Variants in AHNAK2 observed in about 807,000 individuals in gnomAD.
AHNAK2 encodes the protein AHNAK nucleoprotein 2.
AHNAK2 carries 18 observed loss-of-function variants against 30.7 expected under a neutral mutation model. That is an observed-to-expected ratio of 0.59 (90% CI 0.41 to 0.87). The LOEUF (loss-of-function observed/expected upper bound fraction) is 0.87, where lower values mean the gene tolerates loss of function less well. AHNAK2 is among the 40% of genes least tolerant of loss of function. The pLI is 0.00. For missense variants in AHNAK2, 8,604 were observed against 7,373.0 expected (o/e 1.17, Z -6.11); for synonymous variants, 3,590 against 3,073.8 (o/e 1.17, Z -5.56).
Position 104,950,606 on chromosome 14 carries a change from G to C in AHNAK2, c.4845C>G (p.Pro1615=), listed in dbSNP as rs188487684. 25 of 1,586,030 alleles carry C rather than the reference G, an allele frequency of 1.6e-5. 1 individual carries two copies. The highest frequency in any genetic ancestry group is 3.3e-5 in the South Asian group (3 of 89,592). The stretch of plus-strand genomic sequence containing the variant: ...TGCTGGACAGAGACATCTTCACATC[G>C]GGGGCTGTCACTTCCACCTTGGGGC... The part of the protein sequence containing the change: ...LKGPKVEVTA[P]DVKMSLSSME... Residue 1615 remains proline (P), a synonymous_variant, in exon 7 of 7, where the codon CCC becomes CCG. Coordinates refer to ENST00000333244, the MANE Select transcript of AHNAK2 (RefSeq NM_138420.4).
In AHNAK2 at chr14:104,954,657, T is replaced by C; in HGVS notation, c.794A>G (p.Gln265Arg). ...QRERLSWPKFQSIKSKRGPGP... is the reference protein window; with the variant it reads ...QRERLSWPKFRSIKSKRGPGP... ...CGGCCCCCGCTTGCTCTTTATGGAT[T>C]GAAATTTTGGCCAAGAGAGCCTCTC... is the stretch of plus-strand genomic sequence containing the variant. Residue 265 changes from glutamine to arginine, a missense_variant, in exon 7 of 7, where the codon CAA (glutamine) becomes CGA (arginine). Coordinates refer to ENST00000333244, the MANE Select transcript of AHNAK2 (RefSeq NM_138420.4). This position sits in a 1 kb window ranked among gnomAD's most constrained non-coding sequence, Gnocchi z 4.3. 1 of 1,612,886 alleles carries C rather than the reference T, an allele frequency of 6.2e-7. No individual in the cohort carries two copies. Among genetic ancestry groups the C allele is most frequent in the African/African-American group, 1.3e-5 (1 of 75,012 alleles).
chr14:104,963,473 G>A (rs1374561975), intron 1 of AHNAK2, among the ~76,000 whole-genome samples: 1 of 152,174 alleles, frequency 6.6e-6, no homozygotes, highest in Non-Finnish European at 1.5e-5. Context: ...AATTACTTTT[G>A]GAGTAGGGGA....
In AHNAK2 at chr14:104,954,883, T is replaced by C; in HGVS notation, c.651+74A>G. On this transcript the variant is annotated intron_variant, in intron 6 of 6. Coordinates refer to ENST00000333244, the MANE Select transcript of AHNAK2 (RefSeq NM_138420.4). This position sits in a 1 kb window ranked among gnomAD's most constrained non-coding sequence, Gnocchi z 4.3. ...CCAGGGACAGATGGAGTGGGAGTGC[T>C]ATCCCCTCCCAGGCTCAGCCAGCAG... 3 of 1,549,780 alleles carry C rather than the reference T, an allele frequency of 1.9e-6. No homozygotes were observed. The highest frequency in any genetic ancestry group is 2.6e-6 in the Non-Finnish European group (3 of 1,149,026).
At position 104,940,642 on chromosome 14, in the gene AHNAK2, C is replaced by T; in HGVS notation, c.14809G>A (p.Gly4937Arg). The T allele has an allele frequency of 6.2e-7, 1 of 1,613,572 alleles. No individual in the cohort carries two copies. Among genetic ancestry groups the T allele is most frequent in the Non-Finnish European group, 8.5e-7 (1 of 1,179,872 alleles). Residue 4937 changes from glycine (G) to arginine (R), a missense_variant, in exon 7 of 7, where the codon GGA becomes AGA. Coordinates refer to ENST00000333244, the MANE Select transcript of AHNAK2 (RefSeq NM_138420.4). This position sits in a 1 kb window ranked among gnomAD's most constrained non-coding sequence, Gnocchi z 4.4. ...ASLQTSVVAP[G>R]EAPSEDADHE... ...TCAGCATCTTCAGAAGGGGCTTCTC[C>T]AGGGGCCACTACTGATGTCTGCAAG... is the stretch of plus-strand genomic sequence containing the variant.
In AHNAK2 at chr14:104,949,934, G is replaced by T; in HGVS notation, c.5517C>A (p.Gly1839=). The change falls in exon 7 of 7, where the codon GGC becomes GGA. Residue 1839 remains glycine, a synonymous_variant. Coordinates refer to ENST00000333244, the MANE Select transcript of AHNAK2 (RefSeq NM_138420.4). ...CATCCACCGAGGCCTCGATGGACTT[G>T]CCTGGGGCAGACACCCCGAACGACG... ...KMPSFGVSAP[G]KSIEASVDVS... 6.3e-7 allele frequency: 1 copy of T among 1,586,800 alleles called. No homozygotes were observed. The highest frequency in any genetic ancestry group is 8.6e-7 in the Non-Finnish European group (1 of 1,163,170).
chr14:104,953,870 C>G lies in AHNAK2; in HGVS notation c.1581G>C (p.Leu527=). Residue 527 remains leucine, a synonymous_variant, in exon 7 of 7, where the codon CTG becomes CTC. Coordinates refer to ENST00000333244, the MANE Select transcript of AHNAK2 (RefSeq NM_138420.4). The part of the protein sequence containing the change: ...QDASSKAGTG[L]KGEEVEGAGW... ...CGGCTCCTTCCACCTCCTCACCCTT[C>G]AGGCCAGTACCCGCTTTTGAGGACG... 1.2e-6 allele frequency: 2 copies of G among 1,614,010 alleles called. No individual in the cohort carries two copies. The highest frequency in any genetic ancestry group is 1.7e-6 in the Non-Finnish European group (2 of 1,179,896).
In AHNAK2 at chr14:104,945,346, C is replaced by T. The variant is rs1414144258; in HGVS notation, c.10105G>A (p.Ala3369Thr). The change falls in exon 7 of 7, where the codon GCT becomes ACT. Residue 3369 changes from alanine to threonine, a missense_variant. Ala to Thr is a moderately conservative substitution (Grantham distance 58, BLOSUM62 0). Transcript: ENST00000333244. ...QLPSVDLEVQ[A>T]GQVDVKLPEG... ...GGGAGCTTCACGTCCACCTGGCCAG[C>T]CTGGACCTCCAGGTCCACAGAAGGG... The T allele has an allele frequency of 1.2e-6, 2 of 1,612,714 alleles. No homozygotes were observed.
chr14:104,955,311 T>C, intron 5 of AHNAK2, 170 bp from the exon 6 acceptor site: 2 of 1,273,892 alleles, frequency 1.6e-6, no homozygotes, highest in Non-Finnish European at 2.1e-6. Flanking sequence ...GTGGATGGGG[T>C]CCCCCATTTT....
In AHNAK2 at chr14:104,945,222, T is replaced by C; in HGVS notation, c.10229A>G (p.Gln3410Arg). The C allele has an allele frequency of 1.2e-6, 2 of 1,613,042 alleles. No homozygotes were observed. The highest frequency in any genetic ancestry group is 1.7e-6 in the Non-Finnish European group (2 of 1,179,598). ...CAGCTTGGGGCCCTTGATGTCCACC[T>C]GGGGGCTCTTGAGGTCCACTTTGGG... ...KMPKVDLKSP[Q>R]VDIKGPKLDL... Residue 3410 changes from glutamine to arginine, a missense_variant, in exon 7 of 7, where the codon CAG becomes CGG. Gln to Arg is a conservative substitution (Grantham distance 43, BLOSUM62 1). Coordinates refer to ENST00000333244, the MANE Select transcript of AHNAK2 (RefSeq NM_138420.4).
intron 3 of AHNAK2, among the ~76,000 whole-genome samples, chr14:104,957,041 TC>T (rs1407778813): frequency 3.9e-5 from 6 of 152,168 alleles, no homozygotes; most frequent in Non-Finnish European, 8.8e-5. Context: ...TCTGATCCCT[TC>T]CCCGAGTCCT....
Position 104,953,327 on chromosome 14 carries a change from G to A in AHNAK2, c.2124C>T (p.Asp708=), listed in dbSNP as rs371990514. 1.6e-4 allele frequency: 264 copies of A among 1,612,896 alleles called. No individual in the cohort carries two copies. The highest frequency in any genetic ancestry group is 3.3e-4 in the Middle Eastern group (2 of 6,080). ...VDVSAPKVEA[D]VSLLSMQGDL... Reference sequence around the variant, plus strand: ...CCCCCTGCATGGAGAGGAGGCTCACGTCGGCCTCCACCTTCGGCGCAGACA... The same window carrying A: ...CCCCCTGCATGGAGAGGAGGCTCACATCGGCCTCCACCTTCGGCGCAGACA... Residue 708 remains aspartate (D), a synonymous_variant, in exon 7 of 7, where the codon GAC becomes GAT. Transcript: ENST00000333244.
chr14:104,957,013 T>C (rs1215289923), intron 3 of AHNAK2, among the ~76,000 whole-genome samples: 5 of 152,376 alleles, frequency 3.3e-5, no homozygotes, highest in Middle Eastern at 3.4e-3. Context: ...AAATGAATCC[T>C]TTCATAGACA....
At chr14:104,972,209 C>A (rs915408140) in intron 1 of AHNAK2, among the ~76,000 whole-genome samples, 1 of 152,236 alleles carries the variant, frequency 6.6e-6, no homozygotes, top group African/African-American at 2.4e-5. Context: ...GGGCCTCCCC[C>A]CATTGCAATA....
At chr14:104,957,735 G>C (rs937252748) in intron 1 of AHNAK2, 63 bp from the exon 2 acceptor site, 2 of 1,514,864 alleles carry the variant, frequency 1.3e-6, no homozygotes, top group Non-Finnish European at 1.8e-6. Flanking sequence ...GGGCCCGGGG[G>C]AGGGAGCCAG....
At position 104,955,088 on chromosome 14, in the gene AHNAK2, C is replaced by T; in HGVS notation, c.520G>A (p.Ala174Thr). ...VFFENIKYED[A>T]LKILQYSEPY... is the part of the protein sequence containing the mutation. ...TCTGAATATTGAAGGATTTTGAGAG[C>T]ATCTTCATATTTTATGTTTTCAAAG... Residue 174 changes from alanine to threonine, a missense_variant, in exon 6 of 7, where the codon GCT (alanine) becomes ACT (threonine). Transcript: ENST00000333244. The T allele has an allele frequency of 6.2e-7, 1 of 1,613,414 alleles. No homozygotes were observed. The highest frequency in any genetic ancestry group is 8.5e-7 in the Non-Finnish European group (1 of 1,179,848).
chr14:104,939,634 G>T lies in AHNAK2; in HGVS notation c.15817C>A (p.Leu5273Ile), dbSNP rs946478634. ...KSSTDILRCD[L>I]DSTGLKLHLS... ...TGCAGCTTCAAGCCTGTGCTGTCAA[G>T]ATCACACCTTAGAATATCTGTGGAT... The change falls in exon 7 of 7, where the codon CTT (leucine) becomes ATT (isoleucine). Residue 5273 changes from leucine to isoleucine, a missense_variant. Transcript: ENST00000333244. 11 of 1,613,800 alleles carry T rather than the reference G, an allele frequency of 6.8e-6. No individual in the cohort carries two copies. Among genetic ancestry groups the T allele is most frequent in the Non-Finnish European group, 8.5e-6 (10 of 1,179,914 alleles).
In AHNAK2 at chr14:104,951,949, A is replaced by C. The variant is rs1322161935; in HGVS notation, c.3502T>G (p.Phe1168Val). Residue 1168 changes from phenylalanine (F) to valine (V), a missense_variant, in exon 7 of 7, where the codon TTC becomes GTC. Phe to Val is a conservative substitution (Grantham distance 50). Coordinates refer to ENST00000333244, the MANE Select transcript of AHNAK2 (RefSeq NM_138420.4). Reference sequence around the variant, plus strand: ...GACGCCCCGAACGATGGCATCTTGAACTTGGGCATTTTGAACCTGCTGTCT... The same window carrying C: ...GACGCCCCGAACGATGGCATCTTGACCTTGGGCATTTTGAACCTGCTGTCT... ...AKDSRFKMPK[F>V]KMPSFGASAP... is the part of the protein sequence containing the mutation. The C allele has an allele frequency of 1.9e-6, 3 of 1,610,882 alleles. No homozygotes were observed. Among genetic ancestry groups the C allele is most frequent in the Admixed American group, 3.3e-5 (2 of 59,716 alleles).
In AHNAK2 at chr14:104,950,537, C is replaced by T. The variant is rs763006120; in HGVS notation, c.4914G>A (p.Ala1638=). The T allele has an allele frequency of 4.8e-5, 76 of 1,586,598 alleles. 9 individuals are homozygous for T. The highest frequency in any genetic ancestry group is 2.8e-4 in the Admixed American group (16 of 57,494). ...VQAPRAKLDG[A]QLEGDLSLAD... ...CCAGGGACAGGTCCCCCTCCAGCTG[C>T]GCACCATCCAGCTTTGCTCTCGGGG... is the stretch of plus-strand genomic sequence containing the variant. Residue 1638 remains alanine, a synonymous_variant, in exon 7 of 7, where the codon GCG becomes GCA. Transcript: ENST00000333244.
At chr14:104,962,390 C>T (rs1408722400) in intron 1 of AHNAK2, among the ~76,000 whole-genome samples, 4 of 152,150 alleles carry the variant, frequency 2.6e-5, no homozygotes, top group South Asian at 2.1e-4. Flanking sequence ...CCAGAACAGC[C>T]CCACACTTAC....
Sources: allele counts gnomAD v4.1 joint callset (sites outside exome capture counted in the v4.1 genomes callset), GRCh38; gene constraint gnomAD v4.1.1; non-coding constraint Gnocchi (gnomAD v3.1); transcripts MANE v1.5; gene names NCBI Gene and HGNC (gene_info 2026-07-23, HGNC 2026-07-21).